RPGRIP1: variants seen among roughly 807,000 people sequenced by gnomAD.
The protein encoded by RPGRIP1 is X-linked retinitis pigmentosa GTPase regulator-interacting protein 1.
In RPGRIP1, 128 loss-of-function variants were observed where a neutral mutation model predicts 157.9. The observed-to-expected ratio is 0.81, with a 90% CI of 0.70 to 0.94. The LOEUF is 0.94. Ranked by LOEUF, RPGRIP1 falls within the 40% of genes least tolerant of loss-of-function variation. RPGRIP1 has a pLI of 0.00. For synonymous variants in RPGRIP1, 554 were observed against 571.6 expected, an observed-to-expected ratio of 0.97 and a Z score of 0.44; for missense variants, 1,486 against 1,545.8, an observed-to-expected ratio of 0.96 and a Z score of 0.65.
At chr14:21,328,655 A>C in intron 19 of RPGRIP1, 28 bp downstream of exon 19, 1 of 1,513,236 alleles carries the variant, frequency 6.6e-7, no homozygotes, top group Non-Finnish European at 9.2e-7. Context: ...CTGAAGCACT[A>C]AATTGTGGGT....
At chr14:21,307,395 C>G (rs1881362433) in intron 6 of RPGRIP1, among the ~76,000 whole-genome samples, 1 of 152,240 alleles carries the variant, frequency 6.6e-6, no homozygotes, top group African/African-American at 2.4e-5. Flanking sequence ...TCAAACCTCA[C>G]TGGTTTCTCT....
chr14:21,286,033 A>G (rs1594367989), intron 1 of RPGRIP1, among the ~76,000 whole-genome samples: 2 of 152,156 alleles, frequency 1.3e-5, no homozygotes, highest in East Asian at 3.9e-4. Context: ...CTTGTTGCCC[A>G]GGCTGGAGTG....
chr14:21,293,370 C>T (rs984164005), intron 2 of RPGRIP1, among the ~76,000 whole-genome samples: 2 of 152,098 alleles, frequency 1.3e-5, no homozygotes, highest in East Asian at 1.9e-4. Flanking sequence ...AAGTTTTTAT[C>T]CTTTTCCTTA....
At position 21,335,483 on chromosome 14, in the gene RPGRIP1, A is replaced by G. The variant is rs1884251671; in HGVS notation, c.3339+778A>G. Among the ~76,000 whole-genome samples the G allele has an allele frequency of 2.0e-5, 3 of 152,232 alleles. No homozygotes were observed. In the South Asian group the frequency reaches 6.2e-4, roughly 32 times the overall value. On this transcript the variant is annotated intron_variant, in intron 21 of 24. Coordinates refer to ENST00000400017, the MANE Select transcript of RPGRIP1 (RefSeq NM_020366.4). ...CCTGTAATTATCTATTAAACAGTTC[A>G]GCCTCAAAGCTCTTTCAGAACTGAT...
At chr14:21,283,783 G>T (rs779089977) in intron 1 of RPGRIP1, among the ~76,000 whole-genome samples, 4 of 151,666 alleles carry the variant, frequency 2.6e-5, no homozygotes, top group African/African-American at 9.7e-5. Context: ...TCAGCCTCCC[G>T]AGTAGCCGGA....
At chr14:21,291,124 C>T (rs1459203653) in intron 2 of RPGRIP1, among the ~76,000 whole-genome samples, 1 of 151,896 alleles carries the variant, frequency 6.6e-6, no homozygotes, top group Non-Finnish European at 1.5e-5. Flanking sequence ...GGAGAAATGT[C>T]TATTCAGGTC....
Position 21,343,158 on chromosome 14 carries a change from G to A in RPGRIP1, c.3462G>A (p.Ser1154=), listed in dbSNP as rs772065227. The A allele has an allele frequency of 2.9e-5, 47 of 1,613,494 alleles. No homozygotes were observed. Among genetic ancestry groups the A allele is most frequent in the Admixed American group, 2.7e-4 (16 of 59,932 alleles). ...ACAAATTCTACGACCTACCCTTGTC[G>A]GAGACAGAGACTCCAGTGTCCCTAA... ...VEYKFYDLPL[S]ETETPVSLRK... The change falls in exon 22 of 25, where the codon TCG becomes TCA. Residue 1154 remains serine, a synonymous_variant. Transcript: ENST00000400017.
intron 2 of RPGRIP1, among the ~76,000 whole-genome samples, chr14:21,294,233 G>T (rs1379704191): frequency 9.7e-5 from 14 of 144,024 alleles, no homozygotes; most frequent in South Asian, 4.4e-4. Flanking sequence ...TTCTGTTTTT[G>T]TTTTTTTTTT....
At chr14:21,330,580 T>G (rs905538693) in intron 20 of RPGRIP1, among the ~76,000 whole-genome samples, 193 bp downstream of exon 20, 2 of 151,874 alleles carry the variant, frequency 1.3e-5, no homozygotes, top group Admixed American at 6.6e-5. Context: ...GCAGGAGAAT[T>G]GCTTGAACCC....
At chr14:21,325,406 G>A (rs1409143673) in intron 16 of RPGRIP1, 23 bp downstream of exon 16, 1 of 1,553,288 alleles carries the variant, frequency 6.4e-7, no homozygotes, top group Non-Finnish European at 8.7e-7. Flanking sequence ...ATGTGCCGAG[G>A]CATCTCAGAG....
chr14:21,348,106 T>C, intron 23 of RPGRIP1, 66 bp from the exon 24 acceptor site: 5 of 1,277,178 alleles, frequency 3.9e-6, no homozygotes, highest in Non-Finnish European at 5.3e-6. Context: ...ATTACTTTTA[T>C]CCTTATTTTA....
intron 21 of RPGRIP1, among the ~76,000 whole-genome samples, chr14:21,342,661 G>A (rs1348846365): frequency 6.6e-6 from 1 of 152,012 alleles, no homozygotes; most frequent in Admixed American, 6.6e-5. Context: ...GAAGCCTGGA[G>A]CGACGCACAT....
chr14:21,316,480 G>A (rs1337559539), intron 10 of RPGRIP1, among the ~76,000 whole-genome samples: 4 of 152,010 alleles, frequency 2.6e-5, no homozygotes, highest in Non-Finnish European at 4.4e-5. Context: ...GCAGTGGCAC[G>A]ATCTCAGCTC....
At chr14:21,325,739 G>C in intron 16 of RPGRIP1, 92 bp from the exon 17 acceptor site, 1 of 948,488 alleles carries the variant, frequency 1.1e-6, no homozygotes, top group Non-Finnish European at 1.6e-6. Flanking sequence ...CTGTTCTCTA[G>C]ATCATAGCTC....
chr14:21,321,734 A>T, intron 13 of RPGRIP1, 120 bp from the exon 14 acceptor site: 2 of 1,010,404 alleles, frequency 2.0e-6, no homozygotes, highest in Non-Finnish European at 2.9e-6. Context: ...ACCTTCTTCT[A>T]GTGGGTGAAC....
At chr14:21,281,735 A>AATAATAATAATAATC (rs949267854) in intron 1 of RPGRIP1, among the ~76,000 whole-genome samples, 3 of 147,602 alleles carry the variant, frequency 2.0e-5, no homozygotes, top group Non-Finnish European at 4.5e-5. Context: ...TAATAATAAT[A>AATAATAATAATAATC]ATCAGAGTAA....
intron 23 of RPGRIP1, among the ~76,000 whole-genome samples, chr14:21,345,993 A>G (rs936895423): frequency 2.0e-4 from 31 of 151,710 alleles, no homozygotes; most frequent in Admixed American, 1.3e-3. Flanking sequence ...TAATTTTTGT[A>G]TTTTTAGTAG....
At position 21,307,831 on chromosome 14, in the gene RPGRIP1, C is replaced by G; in HGVS notation, c.901C>G (p.Gln301Glu). 6.5e-7 allele frequency: 1 copy of G among 1,544,976 alleles called. No individual in the cohort carries two copies. ...VMTKAQLTEV[Q>E]EAYETLLQKN... is the part of the protein sequence containing the mutation. ...GACAAAAGCACAATTAACAGAAGTTCAAGAGGTGAGTTGCCATCATCAGCT... is the reference window on the plus strand; with the variant it reads ...GACAAAAGCACAATTAACAGAAGTTGAAGAGGTGAGTTGCCATCATCAGCT... The change falls in exon 7 of 25, where the codon CAA becomes GAA. Residue 301 changes from glutamine (Q) to glutamate (E), a missense_variant. Physicochemically the swap from Gln to Glu is conservative, Grantham distance 29. Transcript: ENST00000400017.
chr14:21,321,088 A>G (rs1486893210), intron 12 of RPGRIP1, among the ~76,000 whole-genome samples, 171 bp from the exon 13 acceptor site: 1 of 152,218 alleles, frequency 6.6e-6, no homozygotes, highest in Non-Finnish European at 1.5e-5. Flanking sequence ...GCTACTGAAC[A>G]TGAGAACTAG....
Sources: gnomAD v4.1 joint callset for allele counts (sites outside exome capture counted in the v4.1 genomes callset) on GRCh38, gnomAD v4.1.1 for gene constraint, MANE v1.5 for transcripts, NCBI Gene and HGNC (gene_info 2026-07-23, HGNC 2026-07-21) for gene names.